The following FAAH2 variants were observed in gnomAD, a reference collection of about 807,000 sequenced individuals.
The protein encoded by FAAH2 is fatty-acid amide hydrolase 2.
Under a neutral mutation model 36.9 loss-of-function variants are expected in FAAH2, and 60 were observed. That is an observed-to-expected ratio of 1.63 (90% confidence interval 1.32 to 2.02). The LOEUF is 2.02. Among genes scored for constraint, FAAH2 ranks in the 30% most tolerant of loss-of-function variants. The pLI is 0.00. For missense variants in FAAH2, 689 were observed against 397.5 expected, an observed-to-expected ratio of 1.73 and a Z score of -6.23; for synonymous variants, 214 against 143.8, an observed-to-expected ratio of 1.49 and a Z score of -3.49.
At chrX:57,140,244 G>C in the FAAH2 span, among the ~76,000 whole-genome samples, 4 of 109,530 alleles carry the variant, frequency 3.7e-5, no homozygotes, top group African/African-American at 1.3e-4. Context: ...GGGATCTTTA[G>C]ATTTTTTCTA....
chrX:57,334,454 T>C (rs2053492371), intron 4 of FAAH2, among the ~76,000 whole-genome samples: 1 of 108,895 alleles, frequency 9.2e-6, no homozygotes, highest in Non-Finnish European at 1.9e-5. Context: ...GAGCAAGAAA[T>C]GTTAAAAGAT....
At chrX:57,485,235 C>T (rs1018600433) in intron 10 of FAAH2, among the ~76,000 whole-genome samples, 12 of 111,637 alleles carry the variant, frequency 1.1e-4, no homozygotes, top group African/African-American at 3.9e-4. Flanking sequence ...GCCAGGCCTC[C>T]CTACTCTCTC....
At chrX:57,138,580 T>C in the FAAH2 span, among the ~76,000 whole-genome samples, 4 of 111,433 alleles carry the variant, frequency 3.6e-5, no homozygotes, top group Non-Finnish European at 5.7e-5. Flanking sequence ...ATATACCCAA[T>C]AGTGAGATTG....
At chrX:57,321,157 C>T (rs2053011886) in intron 3 of FAAH2, among the ~76,000 whole-genome samples, 1 of 109,494 alleles carries the variant, frequency 9.1e-6, no homozygotes, top group Non-Finnish European at 1.9e-5. Context: ...AAAAGAAAAC[C>T]GGATGAATGC....
intron 5 of FAAH2, among the ~76,000 whole-genome samples, chrX:57,363,560 A>G (rs1344153036): frequency 9.0e-6 from 1 of 110,653 alleles, no homozygotes; most frequent in Non-Finnish European, 1.9e-5. Flanking sequence ...TTTTTTTCTT[A>G]CTCTTGCCTG....
chrX:57,209,454 G>A, the FAAH2 span, among the ~76,000 whole-genome samples: 3 of 110,991 alleles, frequency 2.7e-5, no homozygotes, highest in East Asian at 8.5e-4. Context: ...TTTTTATCAG[G>A]GAGTGTCTAG....
chrX:57,220,900 C>T, the FAAH2 span, among the ~76,000 whole-genome samples: 2 of 112,111 alleles, frequency 1.8e-5, no homozygotes, highest in African/African-American at 6.5e-5. Flanking sequence ...TCGGCCTTGC[C>T]ACTGAAGAAT....
chrX:57,393,381 C>T (rs916667779), intron 7 of FAAH2: 103 of 729,383 alleles, frequency 1.4e-4, no homozygotes, highest in Middle Eastern at 8.7e-4. Context: ...GGGTGGAGAC[C>T]GGAATACTGG....
the FAAH2 span, among the ~76,000 whole-genome samples, chrX:57,214,765 G>A: frequency 9.0e-5 from 10 of 111,152 alleles, no homozygotes; most frequent in Middle Eastern, 4.7e-3. Flanking sequence ...AGAAAGTTTC[G>A]AAACACAGAA....
At chrX:57,157,173 C>T in the FAAH2 span, among the ~76,000 whole-genome samples, 1 of 111,648 alleles carries the variant, frequency 9.0e-6, no homozygotes, top group Non-Finnish European at 1.9e-5. Context: ...TGGAAAGAGT[C>T]TTTCTCTGAG....
chrX:57,206,723 G>T, the FAAH2 span, among the ~76,000 whole-genome samples: 1 of 112,063 alleles, frequency 8.9e-6, no homozygotes, highest in South Asian at 3.7e-4. Flanking sequence ...TTAAATCAAT[G>T]ACTATTAAAG....
the FAAH2 span, among the ~76,000 whole-genome samples, chrX:57,184,124 A>C: frequency 9.0e-6 from 1 of 111,083 alleles, no homozygotes; most frequent in Non-Finnish European, 1.9e-5. Context: ...CAATACATGC[A>C]CCACTGAACA....
intron 5 of FAAH2, among the ~76,000 whole-genome samples, chrX:57,359,909 A>C (rs771476007): frequency 9.1e-6 from 1 of 110,033 alleles, no homozygotes; most frequent in East Asian, 2.9e-4. Flanking sequence ...GGAAGGTCTT[A>C]ATTTTTCCTT....
At chrX:57,121,740 C>T in the FAAH2 span, 2 of 112,038 alleles carry the variant, frequency 1.8e-5, no homozygotes, top group African/African-American at 3.2e-5. Context: ...ACCCTGTGGC[C>T]CCTTCCTCAC....
the FAAH2 span, among the ~76,000 whole-genome samples, chrX:57,231,024 C>T: frequency 1.2e-5 from 1 of 80,759 alleles, no homozygotes; most frequent in Non-Finnish European, 2.3e-5. Context: ...TGATATCTTC[C>T]TCCAAAGGAA....
rs1414041304 is a variant in FAAH2 at position 57,395,525 on chromosome X, G to C, written c.996+14496G>C. 4 of 321,888 alleles carry C rather than the reference G, an allele frequency of 1.2e-5. No homozygotes were observed. In the Admixed American group the frequency reaches 2.0e-4, roughly 16 times the overall value. The allele number at this position is 321,888 out of a possible 1,213,427, so 26.5% of individuals were successfully genotyped here. ...TGATGTTGGCTATGGGTTTGTCATAGATGGCTTTTATTAATTTGAGGTATG... is the reference window on the plus strand; with the variant it reads ...TGATGTTGGCTATGGGTTTGTCATACATGGCTTTTATTAATTTGAGGTATG... On this transcript the variant is annotated intron_variant, in intron 7 of 10. Coordinates refer to ENST00000374900, the MANE Select transcript of FAAH2 (RefSeq NM_174912.4).
the FAAH2 span, among the ~76,000 whole-genome samples, chrX:57,175,716 G>A: frequency 3.3e-4 from 37 of 111,501 alleles, no homozygotes; most frequent in African/African-American, 1.2e-3. Flanking sequence ...TTGAACCTCC[G>A]TTTCAAGCTT....
the FAAH2 span, among the ~76,000 whole-genome samples, chrX:57,174,319 TG>T: frequency 9.0e-6 from 1 of 110,756 alleles, no homozygotes; most frequent in Non-Finnish European, 1.9e-5. Flanking sequence ...AAGCTGTGTG[TG>T]TGCATATGTT....
At chrX:57,133,962 G>T in the FAAH2 span, among the ~76,000 whole-genome samples, 1 of 111,337 alleles carries the variant, frequency 9.0e-6, no homozygotes, top group African/African-American at 3.3e-5. Context: ...CTCCCACTAT[G>T]CATGGAGTTA....
Sources: allele counts gnomAD v4.1 joint callset (sites outside exome capture counted in the v4.1 genomes callset), GRCh38; gene constraint gnomAD v4.1.1; transcripts MANE v1.5; gene names NCBI Gene and HGNC (gene_info 2026-07-23, HGNC 2026-07-21).